Variants in OPCML observed in about 807,000 individuals in gnomAD.
OPCML encodes opioid binding protein/cell adhesion molecule like.
OPCML carries 13 observed loss-of-function variants against 37.8 expected under a neutral mutation model. The ratio of observed to expected loss-of-function variants is 0.34; its 90% CI spans 0.22 to 0.55. The LOEUF (loss-of-function observed/expected upper bound fraction) is 0.55, where lower values mean the gene tolerates loss of function less well. Among genes scored for constraint, OPCML ranks in the 20% least tolerant of loss-of-function variants. The pLI is 0.91. For synonymous variants in OPCML, 176 were observed against 168.8 expected, an observed-to-expected ratio of 1.04 and a Z score of -0.33; for missense variants, 341 against 435.6, an observed-to-expected ratio of 0.78 and a Z score of 1.93.
intron 2 of OPCML, among the ~76,000 whole-genome samples, chr11:132,856,293 C>T (rs1942051473): frequency 6.6e-6 from 1 of 152,098 alleles, no homozygotes; most frequent in Non-Finnish European, 1.5e-5. Flanking sequence ...GGCATGATGG[C>T]TATCAAATAA....
rs547411753 is a variant in OPCML at position 132,645,887 on chromosome 11, G to A, written c.379+11200C>T. On this transcript the variant is annotated intron_variant, in intron 3 of 7. Transcript: ENST00000524381. ...GTAAATACAGAGCATTTCCGTCATCGCGGAAAGGTCTATTGGACAGTACTG... is the reference window on the plus strand; with the variant it reads ...GTAAATACAGAGCATTTCCGTCATCACGGAAAGGTCTATTGGACAGTACTG... Among the ~76,000 whole-genome samples the A allele has an allele frequency of 1.8e-3, 276 of 152,268 alleles. 3 individuals carry two copies. The highest frequency in any genetic ancestry group is 3.1e-3 in the Non-Finnish European group (209 of 68,030).
intron 2 of OPCML, among the ~76,000 whole-genome samples, chr11:132,745,542 G>T (rs1156531549): frequency 7.6e-6 from 1 of 131,106 alleles, no homozygotes; most frequent in African/African-American, 3.0e-5. Flanking sequence ...TAAAAGTGCT[G>T]CAAAAGGCAT....
chr11:133,422,557 G>A, intron 1 of OPCML: 23 of 958,958 alleles, frequency 2.4e-5, no homozygotes, highest in Non-Finnish European at 2.8e-5. Context: ...CTGGAGTGCA[G>A]CGGTGCGAAC....
rs1302929698 is a variant in OPCML, at chr11:133,177,485, C to T, written c.62-234475G>A. Among the ~76,000 whole-genome samples the T allele has an allele frequency of 1.3e-5, 2 of 152,158 alleles. No individual in the cohort carries two copies. Among genetic ancestry groups the T allele is most frequent in the African/African-American group, 4.8e-5 (2 of 41,424 alleles). On this transcript the variant is annotated intron_variant, in intron 1 of 7. Transcript: ENST00000524381. This position sits in a 1 kb window ranked among gnomAD's most constrained non-coding sequence, Gnocchi z 5.0. Reference sequence around the variant, plus strand: ...TGAAATGAATGAGAAAACAAATAAACAAATCAAAATCCTGCTTCCTGATGG... The same window carrying T: ...TGAAATGAATGAGAAAACAAATAAATAAATCAAAATCCTGCTTCCTGATGG...
chr11:132,507,512 A>G (rs1277769008), intron 4 of OPCML, among the ~76,000 whole-genome samples: 1 of 151,954 alleles, frequency 6.6e-6, no homozygotes, highest in Admixed American at 6.6e-5. Context: ...TATAAACTTG[A>G]CAACTATCGA....
intron 1 of OPCML, among the ~76,000 whole-genome samples, chr11:133,108,466 G>A (rs79798233): frequency 0.057 from 8,657 of 152,170 alleles, 435 homozygotes; most frequent in East Asian, 0.26. Context: ...ACATCAAGGA[G>A]GAAATACCCC....
At chr11:133,325,122 G>A (rs1264804664) in intron 1 of OPCML, among the ~76,000 whole-genome samples, 15 of 152,278 alleles carry the variant, frequency 9.9e-5, no homozygotes, top group Admixed American at 5.2e-4. Context: ...GAAGGGCCCC[G>A]TGGGCTGAGC....
At chr11:132,587,591 G>A (rs1460548061) in intron 3 of OPCML, among the ~76,000 whole-genome samples, 1 of 152,178 alleles carries the variant, frequency 6.6e-6, no homozygotes, top group African/African-American at 2.4e-5. Flanking sequence ...ATTCATGCGT[G>A]AGCCTGAGCA....
At chr11:132,586,613 C>T (rs2096473233) in intron 3 of OPCML, among the ~76,000 whole-genome samples, 1 of 152,202 alleles carries the variant, frequency 6.6e-6, no homozygotes, top group Non-Finnish European at 1.5e-5. Context: ...CGACAACTCT[C>T]CAGCTTTCTG....
chr11:132,998,589 G>C (rs896876082), intron 1 of OPCML, among the ~76,000 whole-genome samples: 1 of 152,114 alleles, frequency 6.6e-6, no homozygotes, highest in Non-Finnish European at 1.5e-5. Flanking sequence ...GCATAAAAAA[G>C]GTATTTTCCA....
chr11:133,167,835 C>G (rs1322126122), intron 1 of OPCML, among the ~76,000 whole-genome samples: 2 of 152,138 alleles, frequency 1.3e-5, no homozygotes, highest in African/African-American at 4.8e-5. Flanking sequence ...ATACCACCCA[C>G]CCAGTCACCC....
intron 1 of OPCML, among the ~76,000 whole-genome samples, chr11:133,501,928 T>C (rs1947924185): frequency 6.6e-6 from 1 of 151,976 alleles, no homozygotes; most frequent in Admixed American, 6.6e-5. Flanking sequence ...TGCTCATTCC[T>C]GCCTTTCCCT....
At chr11:132,892,873 A>G (rs1370371070) in intron 2 of OPCML, among the ~76,000 whole-genome samples, 1 of 152,258 alleles carries the variant, frequency 6.6e-6, no homozygotes, top group Non-Finnish European at 1.5e-5. Context: ...AACAAAGCCC[A>G]GCTTTATCTG....
chr11:132,614,546 G>A (rs1456012368), intron 3 of OPCML, among the ~76,000 whole-genome samples: 2 of 152,078 alleles, frequency 1.3e-5, no homozygotes, highest in African/African-American at 4.8e-5. Context: ...CTTCATCACA[G>A]TCCCTTCTCT....
intron 1 of OPCML, among the ~76,000 whole-genome samples, chr11:133,501,717 G>T (rs1418114840): frequency 6.8e-6 from 1 of 147,812 alleles, no homozygotes; most frequent in African/African-American, 2.6e-5. Context: ...AACGACCTGA[G>T]CCAGGTAGTG....
intron 1 of OPCML, among the ~76,000 whole-genome samples, chr11:133,446,032 A>G (rs1298613639): frequency 6.6e-6 from 1 of 152,210 alleles, no homozygotes; most frequent in Non-Finnish European, 1.5e-5. Context: ...GGATAGGATA[A>G]AGATTAAAGA....
rs574635063 is a variant in OPCML, at chr11:132,743,646, T to C, written c.147-86327A>G. Among the ~76,000 whole-genome samples, 10 of 152,300 alleles carry C rather than the reference T, an allele frequency of 6.6e-5. No individual in the cohort carries two copies. In the South Asian group the frequency reaches 1.7e-3, roughly 25 times the overall value. ...TGGAATCCAAAGGAAAAGCCAAACTTCTGTATTAGAATCCAGATTAAAACA... is the reference window on the plus strand; with the variant it reads ...TGGAATCCAAAGGAAAAGCCAAACTCCTGTATTAGAATCCAGATTAAAACA... On this transcript the variant is annotated intron_variant, in intron 2 of 7. Transcript: ENST00000524381.
At chr11:132,950,215 G>A (rs1057289781) in intron 1 of OPCML, among the ~76,000 whole-genome samples, 3 of 152,210 alleles carry the variant, frequency 2.0e-5, no homozygotes, top group African/African-American at 7.2e-5. Flanking sequence ...TGACCGCTGT[G>A]TAGAGGACTA....
chr11:132,942,839 C>G (rs927860192), intron 2 of OPCML, 87 bp downstream of exon 2: 14 of 1,548,550 alleles, frequency 9.0e-6, no homozygotes, highest in African/African-American at 5.4e-5. Flanking sequence ...GTTCCGGTCC[C>G]CCATGGAGCC....
Sources: allele counts gnomAD v4.1 joint callset (sites outside exome capture counted in the v4.1 genomes callset), GRCh38; gene constraint gnomAD v4.1.1; non-coding constraint Gnocchi (gnomAD v3.1); transcripts MANE v1.5; gene names NCBI Gene and HGNC (gene_info 2026-07-23, HGNC 2026-07-21).